SLC9C1: variants seen among roughly 807,000 people sequenced by gnomAD.
The protein encoded by SLC9C1 is solute carrier family 9 member C1.
A neutral mutation model predicts 140.9 loss-of-function variants in SLC9C1; 97 were observed. The ratio of observed to expected loss-of-function variants is 0.69; its 90% CI spans 0.58 to 0.82. The LOEUF (loss-of-function observed/expected upper bound fraction) is 0.82, where lower values mean the gene tolerates loss of function less well. Ranked by LOEUF, SLC9C1 falls within the 40% of genes least tolerant of loss-of-function variation. The pLI, the probability that SLC9C1 is intolerant of heterozygous loss-of-function variation, is 0.00. For missense variants in SLC9C1, 1,340 were observed against 1,389.3 expected (o/e 0.96, Z 0.56); for synonymous variants, 440 against 442.6 (o/e 0.99, Z 0.07).
chr3:112,186,794 C>T (rs1242174376), intron 20 of SLC9C1, among the ~76,000 whole-genome samples: 1 of 152,152 alleles, frequency 6.6e-6, no homozygotes, highest in African/African-American at 2.4e-5. Context: ...AGAAACTTAT[C>T]CACACCTACA....
chr3:112,188,419 T>C (rs1407555025), intron 20 of SLC9C1, among the ~76,000 whole-genome samples: 1 of 138,534 alleles, frequency 7.2e-6, no homozygotes, highest in East Asian at 2.5e-4. Context: ...TGGTGGGTGA[T>C]GTTCCTCGCC....
intron 26 of SLC9C1, among the ~76,000 whole-genome samples, chr3:112,165,992 G>C (rs1173039862): frequency 1.3e-5 from 2 of 152,176 alleles, no homozygotes; most frequent in Non-Finnish European, 2.9e-5. Context: ...CCCCAGCCTT[G>C]TTGCTGCCTT....
intron 13 of SLC9C1, among the ~76,000 whole-genome samples, chr3:112,228,288 G>A (rs1020767886): frequency 3.3e-5 from 5 of 152,030 alleles, no homozygotes; most frequent in Admixed American, 6.6e-5. Flanking sequence ...CATGAGGAAC[G>A]TACACTGGGG....
At chr3:112,224,573 T>A (rs554835407) in intron 13 of SLC9C1, among the ~76,000 whole-genome samples, 1 of 139,516 alleles carries the variant, frequency 7.2e-6, no homozygotes, top group East Asian at 2.2e-4. Context: ...ATTATGTGAA[T>A]AAGAAACTCA....
chr3:112,169,078 C>T lies in SLC9C1; in HGVS notation c.3052-16G>A, dbSNP rs752494083. The stretch of plus-strand genomic sequence containing the variant: ...AGTTCCAATCCTGTTTTAGAAAACA[C>T]AATTTCAGTCTATTATTAGTCTATG... On this transcript the variant is annotated splice_polypyrimidine_tract_variant and intron_variant, in intron 24 of 28. Coordinates refer to ENST00000305815, the MANE Select transcript of SLC9C1 (RefSeq NM_183061.3). The T allele has an allele frequency of 1.9e-6, 3 of 1,575,722 alleles. No homozygotes were observed. The highest frequency in any genetic ancestry group is 2.6e-6 in the Non-Finnish European group (3 of 1,164,734).
At chr3:112,173,751 A>G (rs760637920) in intron 23 of SLC9C1, among the ~76,000 whole-genome samples, 2 of 152,248 alleles carry the variant, frequency 1.3e-5, no homozygotes, top group African/African-American at 2.4e-5. Flanking sequence ...ATACACATAC[A>G]TGTGTCTTTA....
chr3:112,210,849 A>T lies in SLC9C1; in HGVS notation c.1791-2476T>A, dbSNP rs2078181611. Among the ~76,000 whole-genome samples the T allele has an allele frequency of 2.0e-5, 3 of 152,172 alleles. No individual in the cohort carries two copies. In the South Asian group the frequency reaches 6.2e-4, roughly 32 times the overall value. ...CACTTCAAAGCTTTAAATCAATTGT[A>T]AAGACAGGAAAAAAACCCTTTATTT... On this transcript the variant is annotated intron_variant, in intron 15 of 28. Transcript: ENST00000305815.
intron 11 of SLC9C1, among the ~76,000 whole-genome samples, chr3:112,241,188 A>G (rs4398404): frequency 0.59 from 89,948 of 152,042 alleles, 27,133 homozygotes; most frequent in East Asian, 0.79. Flanking sequence ...CAATTGAATT[A>G]TTTGTAATTC....
chr3:112,196,185 C>CTT (rs575739371), intron 20 of SLC9C1, among the ~76,000 whole-genome samples: 1 of 145,742 alleles, frequency 6.9e-6, no homozygotes. Flanking sequence ...TTGGCTGACA[C>CTT]TTTTTTTTTT....
intron 1 of SLC9C1, among the ~76,000 whole-genome samples, chr3:112,292,707 C>T (rs543393255): frequency 1.8e-4 from 28 of 151,956 alleles, no homozygotes; most frequent in Admixed American, 1.7e-3. Flanking sequence ...CCACGCCCGG[C>T]TAATTTTTTG....
chr3:112,216,511 A>G (rs1403791531), intron 15 of SLC9C1, among the ~76,000 whole-genome samples: 1 of 150,700 alleles, frequency 6.6e-6, no homozygotes, highest in South Asian at 2.1e-4. Context: ...AATTTACAAG[A>G]AAAAAACAAA....
chr3:112,241,437 G>A (rs897072374), intron 11 of SLC9C1, among the ~76,000 whole-genome samples: 1 of 152,136 alleles, frequency 6.6e-6, no homozygotes, highest in Non-Finnish European at 1.5e-5. Context: ...CACTGTGAAA[G>A]TAATCAGAGA....
At chr3:112,232,671 A>G (rs2078860327) in intron 12 of SLC9C1, among the ~76,000 whole-genome samples, 1 of 152,156 alleles carries the variant, frequency 6.6e-6, no homozygotes, top group Admixed American at 6.6e-5. Flanking sequence ...AAAACATTGT[A>G]AAAACCATTG....
intron 23 of SLC9C1, among the ~76,000 whole-genome samples, chr3:112,171,228 AAAG>A (rs1424910621): frequency 6.6e-6 from 1 of 152,090 alleles, no homozygotes; most frequent in African/African-American, 2.4e-5. Context: ...AAAAAAAAGA[AAAG>A]AAAAGAAAAG....
At chr3:112,154,338 A>C (rs1018019354) in intron 27 of SLC9C1, among the ~76,000 whole-genome samples, 3 of 152,084 alleles carry the variant, frequency 2.0e-5, no homozygotes, top group African/African-American at 7.2e-5. Context: ...AGGATGATGT[A>C]GATTTGGTGG....
rs372053602 is a variant in SLC9C1 at position 112,164,861 on chromosome 3, G to T, written c.3364+2360C>A. Among the ~76,000 whole-genome samples, 150 of 152,312 alleles carry T rather than the reference G, an allele frequency of 9.8e-4. 2 individuals carry two copies. The East Asian group carries it at 0.012, about 12-fold the overall frequency. Reference sequence around the variant, plus strand: ...AAGTTCTCCTGGATAATATCCTGCAGAGTGTTTTCCAGCTTGGTTCCATTC... The same window carrying T: ...AAGTTCTCCTGGATAATATCCTGCATAGTGTTTTCCAGCTTGGTTCCATTC... On this transcript the variant is annotated intron_variant, in intron 26 of 28. Coordinates refer to ENST00000305815, the MANE Select transcript of SLC9C1 (RefSeq NM_183061.3).
intron 2 of SLC9C1, among the ~76,000 whole-genome samples, chr3:112,284,079 G>C (rs117225942): frequency 6.6e-6 from 1 of 152,330 alleles, no homozygotes; most frequent in East Asian, 1.9e-4. Flanking sequence ...AAAGAAAAGT[G>C]ATAATGCTGG....
At chr3:112,191,226 A>G (rs1440060046) in intron 20 of SLC9C1, among the ~76,000 whole-genome samples, 1 of 151,988 alleles carries the variant, frequency 6.6e-6, no homozygotes, top group Non-Finnish European at 1.5e-5. Flanking sequence ...TGTGGTCAGG[A>G]CTTCCAGTAC....
At chr3:112,169,453 T>A (rs1576259917) in intron 23 of SLC9C1, 125 bp from the exon 24 acceptor site, 1 of 895,674 alleles carries the variant, frequency 1.1e-6, no homozygotes, top group African/African-American at 1.7e-5. Context: ...CATAATAGCA[T>A]GGAAACTTAG....
Sources: allele counts gnomAD v4.1 joint callset (sites outside exome capture counted in the v4.1 genomes callset), GRCh38; gene constraint gnomAD v4.1.1; transcripts MANE v1.5; gene names NCBI Gene and HGNC (gene_info 2026-07-23, HGNC 2026-07-21).